Variants in PRMT8 observed in about 807,000 individuals in gnomAD.
PRMT8 encodes protein arginine methyltransferase 8.
In PRMT8, 7 loss-of-function variants were observed where a neutral mutation model predicts 47.1. That is an observed-to-expected ratio of 0.15 (90% CI 0.08 to 0.28). PRMT8 has a LOEUF of 0.28. PRMT8 is among the 10% of genes least tolerant of loss of function. The probability of loss-of-function intolerance (pLI) is 1.00; values close to 1 mark genes in which losing one functional copy is unlikely to be tolerated. For missense variants in PRMT8, 237 were observed against 505.4 expected, an observed-to-expected ratio of 0.47 and a Z score of 5.09; for synonymous variants, 188 against 186.5, an observed-to-expected ratio of 1.01 and a Z score of -0.07.
chr12:3,567,595 T>C (rs902821761), intron 4 of PRMT8, among the ~76,000 whole-genome samples: 3 of 152,250 alleles, frequency 2.0e-5, no homozygotes, highest in African/African-American at 7.2e-5. Context: ...CTGCTGCTAC[T>C]CAACCTCTCT....
At chr12:3,423,094 C>T (rs547410752) in intron 1 of PRMT8, among the ~76,000 whole-genome samples, 2 of 152,224 alleles carry the variant, frequency 1.3e-5, no homozygotes, top group Non-Finnish European at 2.9e-5. Context: ...GCGCTGGGAA[C>T]CATTTTTCAA....
At chr12:3,449,885 A>T (rs1864900139) in intron 1 of PRMT8, among the ~76,000 whole-genome samples, 1 of 152,192 alleles carries the variant, frequency 6.6e-6, no homozygotes, top group African/African-American at 2.4e-5. Context: ...TGTTTAATCC[A>T]TCTTGAGTTA....
chr12:3,393,087 C>G (rs1333227278), intron 1 of PRMT8, among the ~76,000 whole-genome samples: 2 of 151,922 alleles, frequency 1.3e-5, no homozygotes, highest in East Asian at 1.9e-4. Context: ...AAATTTGTTT[C>G]AGTTCATTAT....
At chr12:3,555,046 T>C (rs551792313) in intron 4 of PRMT8, among the ~76,000 whole-genome samples, 1 of 152,334 alleles carries the variant, frequency 6.6e-6, no homozygotes, top group African/African-American at 2.4e-5. Context: ...GCAGACTCTT[T>C]GCAAGGGCAG....
At chr12:3,582,894 G>A (rs745455314) in intron 7 of PRMT8, among the ~76,000 whole-genome samples, 164 bp from the exon 8 acceptor site, 1 of 152,126 alleles carries the variant, frequency 6.6e-6, no homozygotes, top group Non-Finnish European at 1.5e-5. Context: ...GGATGGAGGA[G>A]GTGATTGGGA....
intron 1 of PRMT8, among the ~76,000 whole-genome samples, chr12:3,404,452 A>G (rs1864352974): frequency 6.6e-6 from 1 of 152,190 alleles, no homozygotes; most frequent in Non-Finnish European, 1.5e-5. Flanking sequence ...AAGTGAACAT[A>G]CTCATCTAAC....
intron 7 of PRMT8, among the ~76,000 whole-genome samples, chr12:3,579,476 G>A (rs567516694): frequency 2.6e-5 from 4 of 152,182 alleles, no homozygotes; most frequent in South Asian, 2.1e-4. Context: ...TGTGTGTTCC[G>A]TACACTCCTT....
chr12:3,470,425 C>G (rs1363218734), intron 1 of PRMT8, among the ~76,000 whole-genome samples: 1 of 152,100 alleles, frequency 6.6e-6, no homozygotes, highest in Non-Finnish European at 1.5e-5. Flanking sequence ...AGGGGCTGGG[C>G]AGGGGATGTG....
chr12:3,467,840 A>G (rs1865119046), intron 1 of PRMT8, among the ~76,000 whole-genome samples: 1 of 152,202 alleles, frequency 6.6e-6, no homozygotes, highest in Admixed American at 6.5e-5. Flanking sequence ...AAGGGACCTC[A>G]AGGGAACATC....
chr12:3,525,448 A>C (rs1865938662), intron 1 of PRMT8, among the ~76,000 whole-genome samples: 1 of 152,178 alleles, frequency 6.6e-6, no homozygotes. Flanking sequence ...TGGCCATTGC[A>C]TTCTGAATCT....
rs1866447707 is a variant in PRMT8, at chr12:3,552,847, CA to C, written c.418-803del. On this transcript the variant is annotated intron_variant, in intron 3 of 9. Transcript: ENST00000382622. This position sits in a 1 kb window ranked among gnomAD's most constrained non-coding sequence, Gnocchi z 4.5. The stretch of plus-strand genomic sequence containing the variant: ...CCCAAGTGTGGAGGTGAGTAGAGCC[CA>C]GGGCCTTAGCACAGGCCAGCCTCTG... 1 of 452,878 alleles carries C rather than the reference CA, an allele frequency of 2.2e-6. No individual in the cohort carries two copies. The allele number at this position is 452,878 out of a possible 1,614,324, so 28.1% of individuals were successfully genotyped here. A position where few individuals can be genotyped will look rare whatever the true frequency, so the allele number is the denominator to read the frequency against.
chr12:3,459,408 G>C (rs1865015335), intron 1 of PRMT8, among the ~76,000 whole-genome samples: 1 of 152,170 alleles, frequency 6.6e-6, no homozygotes, highest in African/African-American at 2.4e-5. Context: ...GGAAGCTCCT[G>C]TCAGGGCATC....
intron 1 of PRMT8, among the ~76,000 whole-genome samples, chr12:3,428,341 C>G (rs1365457336): frequency 6.6e-6 from 1 of 150,640 alleles, no homozygotes; most frequent in African/African-American, 2.4e-5. Flanking sequence ...CCTTAAGATA[C>G]TTCTGAACTG....
chr12:3,488,385 A>G (rs1865341841), upstream of PRMT8, among the ~76,000 whole-genome samples: 2 of 152,204 alleles, frequency 1.3e-5, no homozygotes, highest in African/African-American at 4.8e-5. Context: ...GAAAAATTAC[A>G]TAAATAAAAT....
chr12:3,529,630 G>A (rs1865998423), intron 1 of PRMT8, among the ~76,000 whole-genome samples: 2 of 152,216 alleles, frequency 1.3e-5, no homozygotes, highest in Admixed American at 1.3e-4. Flanking sequence ...GGGTTTGCTA[G>A]AATTAGGTGG....
chr12:3,437,512 G>A (rs977186681), intron 1 of PRMT8, among the ~76,000 whole-genome samples: 10 of 151,534 alleles, frequency 6.6e-5, no homozygotes, highest in Non-Finnish European at 1.3e-4. Flanking sequence ...AATCCTCATC[G>A]TCCTCCCACC....
intron 1 of PRMT8, among the ~76,000 whole-genome samples, chr12:3,523,646 T>TA (rs1182239600): frequency 6.6e-6 from 1 of 152,226 alleles, no homozygotes; most frequent in Non-Finnish European, 1.5e-5. Context: ...GAGCGACTGT[T>TA]ACGCATGGTC....
At chr12:3,528,425 C>G (rs751290904) in intron 1 of PRMT8, among the ~76,000 whole-genome samples, 7 of 152,088 alleles carry the variant, frequency 4.6e-5, no homozygotes, top group Admixed American at 2.0e-4. Context: ...TCTGTAATGT[C>G]TAATCTGCTA....
In PRMT8 at chr12:3,450,660, T is replaced by G. The variant is rs547177014; in HGVS notation, c.48+69218T>G. ...AATAATGTTCCATGTAAAAAGTGGC[T>G]AGTTTAGCCTGCAACTCAATTCCAC... On this transcript the variant is annotated intron_variant, in intron 1 of 9. Coordinates refer to the PRMT8 transcript ENST00000452611. Among the ~76,000 whole-genome samples, 14 of 152,326 alleles carry G rather than the reference T, an allele frequency of 9.2e-5. No individual in the cohort carries two copies. The East Asian group carries it at 1.9e-3, about 21-fold the overall frequency.
Sources: gnomAD v4.1 joint callset for allele counts (sites outside exome capture counted in the v4.1 genomes callset) on GRCh38, gnomAD v4.1.1 for gene constraint, Gnocchi (gnomAD v3.1) non-coding constraint, MANE v1.5 for transcripts, NCBI Gene and HGNC (gene_info 2026-07-23, HGNC 2026-07-21) for gene names.